ARL15: variants seen among roughly 807,000 people sequenced by gnomAD.
ARL15 encodes ARF like GTPase 15, also known as ADP-ribosylation factor-like protein 15.
A neutral mutation model predicts 25.2 loss-of-function variants in ARL15; 19 were observed. The ratio of observed to expected loss-of-function variants is 0.75; its 90% CI spans 0.53 to 1.10. ARL15 has a LOEUF of 1.10. ARL15 is among the 50% of genes least tolerant of loss of function. ARL15 has a pLI of 0.00. For synonymous variants in ARL15, 94 were observed against 86.8 expected, an observed-to-expected ratio of 1.08 and a Z score of -0.46; for missense variants, 220 against 246.0, an observed-to-expected ratio of 0.89 and a Z score of 0.71.
At chr5:54,249,202 G>A (rs1485513030) in intron 1 of ARL15, among the ~76,000 whole-genome samples, 4 of 152,156 alleles carry the variant, frequency 2.6e-5, no homozygotes, top group Admixed American at 6.5e-5. Context: ...GACAGGATGC[G>A]GGCTGAAAAG....
chr5:54,014,217 G>T (rs1475052931), intron 4 of ARL15, among the ~76,000 whole-genome samples: 1 of 152,104 alleles, frequency 6.6e-6, no homozygotes, highest in Non-Finnish European at 1.5e-5. Flanking sequence ...GGTATAATGA[G>T]TATTTTGAAT....
chr5:54,178,583 A>C (rs913154889), intron 1 of ARL15, among the ~76,000 whole-genome samples: 4 of 152,208 alleles, frequency 2.6e-5, no homozygotes, highest in African/African-American at 9.6e-5. Context: ...CATAACTTTA[A>C]GTGGATATAT....
At chr5:54,096,889 T>C (rs1006257978) in intron 4 of ARL15, among the ~76,000 whole-genome samples, 2 of 152,156 alleles carry the variant, frequency 1.3e-5, no homozygotes, top group Non-Finnish European at 2.9e-5. Context: ...ATTTGGTCTA[T>C]TTAATGTTGA....
intron 2 of ARL15, among the ~76,000 whole-genome samples, chr5:54,163,150 C>G (rs1325091891): frequency 1.3e-5 from 2 of 151,902 alleles, no homozygotes; most frequent in African/African-American, 4.8e-5. Flanking sequence ...TGCATATCTT[C>G]ACAGGATCAT....
In ARL15 at chr5:53,932,402, T is replaced by C. The variant is rs185069294; in HGVS notation, c.463-45689A>G. On this transcript the variant is annotated intron_variant, in intron 4 of 4. Coordinates refer to ENST00000504924, the MANE Select transcript of ARL15 (RefSeq NM_019087.3). ...AGCCCTGCCAACAGCTCCCCCTTCA[T>C]AGGAGAGCCTTGCCAATGGCTTTTT... 5.3e-4 allele frequency among the ~76,000 whole-genome samples: 80 copies of C among 152,268 alleles called. No individual in the cohort carries two copies. In the East Asian group the frequency reaches 0.013, roughly 25 times the overall value.
At chr5:54,154,744 C>T (rs1754173395) in intron 2 of ARL15, 105 bp from the exon 3 acceptor site, 11 of 637,386 alleles carry the variant, frequency 1.7e-5, no homozygotes, top group African/African-American at 5.8e-5. Flanking sequence ...GATTTATTTA[C>T]TTTTTGTAGC....
chr5:54,041,464 C>T (rs1157144704), intron 4 of ARL15, among the ~76,000 whole-genome samples: 1 of 152,158 alleles, frequency 6.6e-6, no homozygotes, highest in East Asian at 1.9e-4. Context: ...GAACAGGAGG[C>T]AGGTGTGACC....
chr5:53,963,124 G>A (rs1747425257), intron 4 of ARL15, among the ~76,000 whole-genome samples: 8 of 152,158 alleles, frequency 5.3e-5, no homozygotes, highest in Admixed American at 5.2e-4. Flanking sequence ...AGGTAATAAA[G>A]GATGGGAAGA....
chr5:53,959,362 G>C (rs913335117), intron 4 of ARL15, among the ~76,000 whole-genome samples: 3 of 152,058 alleles, frequency 2.0e-5, no homozygotes, highest in African/African-American at 7.2e-5. Context: ...TCCCCCAAGG[G>C]CGCTTTTTAT....
rs554026342 is a variant in ARL15 at position 53,898,755 on chromosome 5, G to A, written c.463-12042C>T. On this transcript the variant is annotated intron_variant, in intron 4 of 4. Coordinates refer to ENST00000504924, the MANE Select transcript of ARL15 (RefSeq NM_019087.3). ...CAACCTTCCAGGCTCAGGTAGCCTG[G>A]AACCTTCCAACCTCAGCCTCCTGAG... Among the ~76,000 whole-genome samples, 32 of 151,688 alleles carry A rather than the reference G, an allele frequency of 2.1e-4. No homozygotes were observed. The South Asian group carries it at 6.5e-3, about 31-fold the overall frequency.
At chr5:54,076,460 G>C (rs1751611424) in intron 4 of ARL15, among the ~76,000 whole-genome samples, 2 of 116,798 alleles carry the variant, frequency 1.7e-5, no homozygotes, top group East Asian at 4.4e-4. Flanking sequence ...AGAGAAATCA[G>C]GATAGTATAG....
intron 4 of ARL15, among the ~76,000 whole-genome samples, chr5:53,902,575 A>C (rs1168992417): frequency 6.6e-6 from 1 of 152,210 alleles, no homozygotes; most frequent in East Asian, 1.9e-4. Context: ...GAACCCAAAT[A>C]AACATGTTTA....
chr5:54,250,626 G>A (rs1330064283), intron 1 of ARL15, among the ~76,000 whole-genome samples: 2 of 152,118 alleles, frequency 1.3e-5, no homozygotes, highest in African/African-American at 4.8e-5. Context: ...GAGACATGAT[G>A]GTGGAGAGAG....
chr5:54,143,978 AAAG>A (rs1372078332), intron 3 of ARL15, among the ~76,000 whole-genome samples: 2 of 152,054 alleles, frequency 1.3e-5, no homozygotes, highest in African/African-American at 4.8e-5. Context: ...CTAAATAAAA[AAAG>A]AACATAATAT....
At chr5:54,082,819 T>C (rs921180859) in intron 4 of ARL15, among the ~76,000 whole-genome samples, 1 of 152,230 alleles carries the variant, frequency 6.6e-6, no homozygotes, top group Non-Finnish European at 1.5e-5. Context: ...TTTGATTATA[T>C]GCAAATTTGT....
At chr5:54,098,022 T>C (rs960657215) in intron 4 of ARL15, among the ~76,000 whole-genome samples, 1 of 152,136 alleles carries the variant, frequency 6.6e-6, no homozygotes, top group African/African-American at 2.4e-5. Context: ...CTTGCTGGGT[T>C]TGGCTTCTCT....
chr5:53,907,909 T>C (rs1245786972), intron 4 of ARL15, among the ~76,000 whole-genome samples: 1 of 152,176 alleles, frequency 6.6e-6, no homozygotes, highest in Non-Finnish European at 1.5e-5. Context: ...TAGAAATGTT[T>C]CAGATACGAT....
intron 4 of ARL15, among the ~76,000 whole-genome samples, chr5:54,084,414 A>C (rs1751892610): frequency 8.4e-6 from 1 of 118,436 alleles, no homozygotes; most frequent in Non-Finnish European, 1.8e-5. Context: ...CTACAGTGGT[A>C]CTGACTCTTC....
chr5:54,148,027 C>G (rs1212938898), intron 3 of ARL15, among the ~76,000 whole-genome samples: 1 of 151,870 alleles, frequency 6.6e-6, no homozygotes, highest in Non-Finnish European at 1.5e-5. Flanking sequence ...TGTGAAAATG[C>G]GTAAGATAAA....
Sources: gnomAD v4.1 joint callset for allele counts (sites outside exome capture counted in the v4.1 genomes callset) on GRCh38, gnomAD v4.1.1 for gene constraint, MANE v1.5 for transcripts, NCBI Gene and HGNC (gene_info 2026-07-23, HGNC 2026-07-21) for gene names.